The following PDE3A variants were observed in gnomAD, a reference collection of about 807,000 sequenced individuals.
PDE3A encodes the protein cGMP-inhibited 3',5'-cyclic phosphodiesterase 3A.
Under a neutral mutation model 98.3 loss-of-function variants are expected in PDE3A, and 43 were observed. That is an observed-to-expected ratio of 0.44 (90% CI 0.34 to 0.56). The LOEUF is 0.56. Among genes scored for constraint, PDE3A ranks in the 20% least tolerant of loss-of-function variants. The pLI, the probability that PDE3A is intolerant of heterozygous loss-of-function variation, is 0.01. For missense variants in PDE3A, 1,427 were observed against 1,440.7 expected (o/e 0.99, Z 0.15); for synonymous variants, 663 against 567.9 (o/e 1.17, Z -2.38).
chr12:20,609,181 C>T (rs148694102), intron 2 of PDE3A, among the ~76,000 whole-genome samples: 36 of 152,080 alleles, frequency 2.4e-4, no homozygotes, highest in East Asian at 1.9e-4. Context: ...AACAATTCTA[C>T]ACGCACAAAA....
At chr12:20,656,173 C>T (rs536349201) in intron 15 of PDE3A, among the ~76,000 whole-genome samples, 1 of 152,250 alleles carries the variant, frequency 6.6e-6, no homozygotes, top group South Asian at 2.1e-4. Context: ...TCTTAATATC[C>T]TCAAGGTTCT....
At chr12:20,549,459 T>C (rs1730522487) in intron 1 of PDE3A, among the ~76,000 whole-genome samples, 1 of 151,914 alleles carries the variant, frequency 6.6e-6, no homozygotes, top group Non-Finnish European at 1.5e-5. Flanking sequence ...GCTCAGATTA[T>C]TTTAATTAGA....
At chr12:20,499,678 A>G (rs1945986172) in intron 1 of PDE3A, among the ~76,000 whole-genome samples, 1 of 151,894 alleles carries the variant, frequency 6.6e-6, no homozygotes, top group Admixed American at 6.6e-5. Context: ...CATATATTCA[A>G]TTTTCTTGTT....
In PDE3A at chr12:20,645,176, ACTGCAC is replaced by A. The variant is rs1428716106; in HGVS notation, c.2252-1310_2252-1305del. Among the ~76,000 whole-genome samples, 23 of 128,340 alleles carry A rather than the reference ACTGCAC, an allele frequency of 1.8e-4. 1 individual carries two copies. In the East Asian group the frequency reaches 4.4e-3, roughly 25 times the overall value. 84.2% of individuals were successfully genotyped at this position (128,340 alleles called of 152,430 possible). The stretch of plus-strand genomic sequence containing the variant: ...AATGCTGGAATTACAGGCATGAGCC[ACTGCAC>A]CTGGCCAGAGTTGAGTTTCTTTAAG... On this transcript the variant is annotated intron_variant, in intron 10 of 15. Coordinates refer to ENST00000359062, the MANE Select transcript of PDE3A (RefSeq NM_000921.5).
chr12:20,495,007 T>C (rs1205467513), intron 1 of PDE3A, among the ~76,000 whole-genome samples: 1 of 152,198 alleles, frequency 6.6e-6, no homozygotes, highest in Non-Finnish European at 1.5e-5. Flanking sequence ...AAGAAACCGA[T>C]TCTGAATCAT....
intron 8 of PDE3A, among the ~76,000 whole-genome samples, chr12:20,636,155 C>A (rs1223006412): frequency 6.6e-6 from 1 of 152,112 alleles, no homozygotes; most frequent in African/African-American, 2.4e-5. Flanking sequence ...TATTGTCAGG[C>A]ATATATTGGC....
At chr12:20,594,540 T>TG (rs1425358071) in intron 2 of PDE3A, among the ~76,000 whole-genome samples, 1 of 151,968 alleles carries the variant, frequency 6.6e-6, no homozygotes, top group African/African-American at 2.4e-5. Context: ...GGCTTTTTTT[T>TG]TTTTTGCTGA....
intron 1 of PDE3A, among the ~76,000 whole-genome samples, chr12:20,447,832 T>G (rs1409114490): frequency 6.6e-6 from 1 of 152,118 alleles, no homozygotes; most frequent in Non-Finnish European, 1.5e-5. Context: ...GGTCACAACC[T>G]GGGATTTGGA....
At chr12:20,520,275 G>C (rs903448662) in intron 1 of PDE3A, among the ~76,000 whole-genome samples, 6 of 152,180 alleles carry the variant, frequency 3.9e-5, no homozygotes, top group Non-Finnish European at 8.8e-5. Flanking sequence ...GTAATGTGGA[G>C]CCCTGGGTGG....
intron 1 of PDE3A, among the ~76,000 whole-genome samples, chr12:20,531,369 A>C (rs970878323): frequency 1.3e-5 from 2 of 152,158 alleles, no homozygotes; most frequent in African/African-American, 4.8e-5. Context: ...AAAATTAAAG[A>C]TAATTCTATA....
In PDE3A at chr12:20,369,804, G is replaced by T. The variant is rs753699193; in HGVS notation, c.520G>T (p.Val174Phe). Residue 174 changes from valine to phenylalanine, a missense_variant, in exon 1 of 16, where the codon GTC becomes TTC. Around this residue, in one of 3 missense-constraint regions of PDE3A, gnomAD observed 1,012 missense variants for 886.5 expected, o/e 1.14. Transcript: ENST00000359062. ...CGCCTGCTGCGGGGGGGAAGCGCTCGTCCAGATTGGGCTGGGCGTCGGGGA... is the reference window on the plus strand; with the variant it reads ...CGCCTGCTGCGGGGGGGAAGCGCTCTTCCAGATTGGGCTGGGCGTCGGGGA... ...LAACCGGEAL[V>F]QIGLGVGEDH... The T allele has an allele frequency of 1.9e-6, 3 of 1,612,382 alleles. No homozygotes were observed. The South Asian group carries it at 3.3e-5, about 18-fold the overall frequency.
At chr12:20,422,923 A>G (rs1395293519) in intron 1 of PDE3A, among the ~76,000 whole-genome samples, 1 of 152,208 alleles carries the variant, frequency 6.6e-6, no homozygotes, top group Admixed American at 6.5e-5. Flanking sequence ...AAATACTGAC[A>G]TCTTTATCTA....
At chr12:20,432,828 G>T (rs1944719797) in intron 1 of PDE3A, among the ~76,000 whole-genome samples, 1 of 152,014 alleles carries the variant, frequency 6.6e-6, no homozygotes, top group Non-Finnish European at 1.5e-5. Flanking sequence ...TTAGGTAAAT[G>T]GTTATGAAGT....
chr12:20,636,270 G>A (rs1157177099), intron 8 of PDE3A, among the ~76,000 whole-genome samples: 1 of 152,128 alleles, frequency 6.6e-6, no homozygotes, highest in African/African-American at 2.4e-5. Context: ...CTTCATTTTG[G>A]GGAGGTGGCA....
chr12:20,619,934 C>T (rs1229583714), intron 4 of PDE3A, among the ~76,000 whole-genome samples: 4 of 151,954 alleles, frequency 2.6e-5, no homozygotes, highest in African/African-American at 9.7e-5. Context: ...TACCCATTGC[C>T]GAATTTACTA....
At chr12:20,617,990 T>C (rs1326351541) in intron 4 of PDE3A, among the ~76,000 whole-genome samples, 1 of 152,158 alleles carries the variant, frequency 6.6e-6, no homozygotes, top group Non-Finnish European at 1.5e-5. Context: ...AGGAAAATAC[T>C]TACAATAGAA....
chr12:20,636,866 C>A (rs1379214775), intron 8 of PDE3A, among the ~76,000 whole-genome samples: 1 of 152,172 alleles, frequency 6.6e-6, no homozygotes, highest in Non-Finnish European at 1.5e-5. Flanking sequence ...CAGTGATAGG[C>A]AAGCACCTAA....
At chr12:20,526,134 C>A (rs1946512943) in intron 1 of PDE3A, among the ~76,000 whole-genome samples, 1 of 152,204 alleles carries the variant, frequency 6.6e-6, no homozygotes, top group Non-Finnish European at 1.5e-5. Flanking sequence ...TCTGTGGTGA[C>A]ATGGACATCA....
At chr12:20,541,987 C>T (rs962363514) in intron 1 of PDE3A, among the ~76,000 whole-genome samples, 1 of 152,026 alleles carries the variant, frequency 6.6e-6, no homozygotes, top group Non-Finnish European at 1.5e-5. Context: ...TGGCACAAAT[C>T]GGCTTTAGAG....
Sources: gnomAD v4.1 joint callset for allele counts (sites outside exome capture counted in the v4.1 genomes callset) on GRCh38, gnomAD v4.1.1 for gene constraint, gnomAD v4.1.1 regional missense constraint, MANE v1.5 for transcripts, NCBI Gene and HGNC (gene_info 2026-07-23, HGNC 2026-07-21) for gene names.